FOXP2: variants seen among roughly 807,000 people sequenced by gnomAD.
FOXP2 encodes the protein forkhead box protein P2.
FOXP2 carries 12 observed loss-of-function variants against 115.8 expected under a neutral mutation model. That is an observed-to-expected ratio of 0.10 (90% confidence interval 0.07 to 0.17). FOXP2 has a LOEUF of 0.17. Among genes scored for constraint, FOXP2 ranks in the 10% least tolerant of loss-of-function variants. The pLI is 1.00. For missense variants in FOXP2, 629 were observed against 843.5 expected (o/e 0.75, Z 3.15); for synonymous variants, 328 against 297.7 (o/e 1.10, Z -1.05).
chr7:114,580,187 A>G (rs1263330401), intron 3 of FOXP2, among the ~76,000 whole-genome samples: 1 of 152,238 alleles, frequency 6.6e-6, no homozygotes, highest in African/African-American at 2.4e-5. Context: ...ATGACAAAAA[A>G]TATTGGAGTC....
intron 2 of FOXP2, among the ~76,000 whole-genome samples, chr7:114,404,916 T>G (rs181065839): frequency 3.3e-5 from 5 of 152,046 alleles, no homozygotes; most frequent in Non-Finnish European, 7.4e-5. Flanking sequence ...ATTTTAGTGT[T>G]TAGCATCATT....
At chr7:114,296,294 A>T (rs1052137467) in intron 2 of FOXP2, among the ~76,000 whole-genome samples, 1 of 152,272 alleles carries the variant, frequency 6.6e-6, no homozygotes, top group South Asian at 2.1e-4. Flanking sequence ...ACTTAAGTGT[A>T]TGAATCAGTA....
chr7:114,264,481 G>T lies in FOXP2; in HGVS notation c.-101-23538G>T, dbSNP rs547536575. Among the ~76,000 whole-genome samples, 6 of 152,216 alleles carry T rather than the reference G, an allele frequency of 3.9e-5. No homozygotes were observed. In the South Asian group the frequency reaches 1.0e-3, roughly 26 times the overall value. On this transcript the variant is annotated intron_variant, in intron 1 of 17. Coordinates refer to the FOXP2 transcript ENST00000634411. ...ATTTAAACAACGTCTGCACTTTAAT[G>T]TCTGGGCCAAATGTTAACTCCTCAT... is the stretch of plus-strand genomic sequence containing the variant.
At chr7:114,412,960 CAA>C (rs1404543595), upstream of FOXP2, among the ~76,000 whole-genome samples, 2 of 152,060 alleles carry the variant, frequency 1.3e-5, no homozygotes, top group African/African-American at 4.8e-5. Flanking sequence ...ATATTTATAA[CAA>C]TATTTTTGAA....
At chr7:114,403,415 G>T (rs975377557) in intron 2 of FOXP2, among the ~76,000 whole-genome samples, 1 of 152,190 alleles carries the variant, frequency 6.6e-6, no homozygotes, top group African/African-American at 2.4e-5. Context: ...TATGTTCCCA[G>T]AACACTAATG....
At chr7:114,170,400 T>A (rs571922590) in intron 1 of FOXP2, among the ~76,000 whole-genome samples, 1 of 152,242 alleles carries the variant, frequency 6.6e-6, no homozygotes, top group Non-Finnish European at 1.5e-5. Flanking sequence ...CTCTAAGTGT[T>A]CAAGTGAAAG....
chr7:114,655,061 AC>A (rs1806499365), intron 10 of FOXP2, among the ~76,000 whole-genome samples: 1 of 152,162 alleles, frequency 6.6e-6, no homozygotes, highest in South Asian at 2.1e-4. Flanking sequence ...AAGAAAAAAG[AC>A]ATGTATCTTT....
chr7:114,227,554 AGAATACCTGTC>A, intron 1 of FOXP2, among the ~76,000 whole-genome samples: 1 of 19,006 alleles, frequency 5.3e-5, no homozygotes, highest in Non-Finnish European at 1.4e-4. Flanking sequence ...CTGTCTTTCT[AGAATACCTGTC>A]TTTCTAGACT....
At chr7:114,558,845 G>C (rs1800601667) in intron 3 of FOXP2, among the ~76,000 whole-genome samples, 1 of 152,116 alleles carries the variant, frequency 6.6e-6, no homozygotes. Context: ...GTGCATTCTT[G>C]AGGTTAGTGG....
chr7:114,220,418 T>A (rs1794592415), intron 1 of FOXP2, among the ~76,000 whole-genome samples: 1 of 152,176 alleles, frequency 6.6e-6, no homozygotes, highest in Admixed American at 6.5e-5. Context: ...CATTTTATAT[T>A]CCATTTTTTC....
chr7:114,471,819 G>A (rs1796060744), intron 2 of FOXP2, among the ~76,000 whole-genome samples: 1 of 151,756 alleles, frequency 6.6e-6, no homozygotes, highest in East Asian at 1.9e-4. Flanking sequence ...AATTAGCTGG[G>A]CATGGTGGCG....
chr7:114,193,570 C>T (rs1481016679), intron 1 of FOXP2, among the ~76,000 whole-genome samples: 4 of 151,608 alleles, frequency 2.6e-5, no homozygotes, highest in African/African-American at 9.7e-5. Context: ...AACTATAAAC[C>T]TATTCATACC....
chr7:114,644,590 C>G, intron 7 of FOXP2, 95 bp from the exon 8 acceptor site: 1 of 999,012 alleles, frequency 1.0e-6, no homozygotes, highest in Non-Finnish European at 1.6e-6. Flanking sequence ...CCTGTTTTGA[C>G]CTGTTTGTCA....
intron 1 of FOXP2, among the ~76,000 whole-genome samples, chr7:114,124,263 A>G (rs1791645035): frequency 6.6e-6 from 1 of 152,066 alleles, no homozygotes; most frequent in South Asian, 2.1e-4. Context: ...AGGATGTTCA[A>G]TAAATTTAGG....
At chr7:114,163,336 G>A (rs551324508) in intron 1 of FOXP2, among the ~76,000 whole-genome samples, 7 of 152,046 alleles carry the variant, frequency 4.6e-5, no homozygotes, top group East Asian at 1.9e-4. Context: ...ATAGAGAGCC[G>A]TTAAGAATTT....
intron 1 of FOXP2, among the ~76,000 whole-genome samples, chr7:114,187,330 C>G (rs1793633754): frequency 2.0e-5 from 3 of 152,178 alleles, no homozygotes; most frequent in Admixed American, 6.5e-5. Context: ...AATTCTTCAG[C>G]CAGATATCCT....
chr7:114,091,924 T>G (rs948585045), intron 1 of FOXP2, among the ~76,000 whole-genome samples: 1 of 151,998 alleles, frequency 6.6e-6, no homozygotes, highest in East Asian at 1.9e-4. Flanking sequence ...AGCTTTGAGG[T>G]TGGTTGTACC....
Position 114,658,112 on chromosome 7 carries a change from C to T in FOXP2, c.1313C>T (p.Thr438Ile), listed in dbSNP as rs751166815. Residue 438 changes from threonine (T) to isoleucine (I), a missense_variant, in exon 11 of 17, where the codon ACA (threonine) becomes ATA (isoleucine). Around this residue, in one of 9 missense-constraint regions of FOXP2, gnomAD observed 101 missense variants for 116.0 expected, o/e 0.87. Transcript: ENST00000350908. The part of the protein sequence containing the change: ...SVTMSKNMLE[T>I]SPQSLPQTPT... The stretch of plus-strand genomic sequence containing the variant: ...ACCATGTCGAAGAATATGTTGGAGA[C>T]ATCCCCACAGAGCTTACCTCAAACC... 1.2e-6 allele frequency: 2 copies of T among 1,613,776 alleles called. No homozygotes were observed. The highest frequency in any genetic ancestry group is 1.7e-5 in the Admixed American group (1 of 59,984).
In FOXP2 at chr7:114,383,306, G is replaced by A. The variant is rs957298659; in HGVS notation, c.-10-43196G>A. 4.6e-5 allele frequency among the ~76,000 whole-genome samples: 7 copies of A among 152,292 alleles called. No homozygotes were observed. The East Asian group carries it at 9.7e-4, about 21-fold the overall frequency. The stretch of plus-strand genomic sequence containing the variant: ...AAGGTACATGCACTCTGGCTGGGCC[G>A]AATTCTCCTCCTCCCACTGCTTGGA... On this transcript the variant is annotated intron_variant, in intron 2 of 17. Coordinates refer to the FOXP2 transcript ENST00000634411.
Sources: gnomAD v4.1 joint callset for allele counts (sites outside exome capture counted in the v4.1 genomes callset) on GRCh38, gnomAD v4.1.1 for gene constraint, gnomAD v4.1.1 regional missense constraint, MANE v1.5 for transcripts, NCBI Gene and HGNC (gene_info 2026-07-23, HGNC 2026-07-21) for gene names.